Variants in NOSTRIN observed in about 807,000 individuals in gnomAD.
NOSTRIN encodes the protein nitric oxide synthase trafficking.
In NOSTRIN, 63 loss-of-function variants were observed where a neutral mutation model predicts 59.0. The observed-to-expected ratio is 1.07, with a 90% confidence interval of 0.87 to 1.32. NOSTRIN has a LOEUF of 1.32. Ranked by LOEUF, NOSTRIN falls within the 40% of genes most tolerant of loss-of-function variation. NOSTRIN has a pLI of 0.00. For synonymous variants in NOSTRIN, 200 were observed against 165.4 expected, an observed-to-expected ratio of 1.21 and a Z score of -1.61; for missense variants, 512 against 473.1, an observed-to-expected ratio of 1.08 and a Z score of -0.76.
chr2:168,789,326 T>C (rs1685286432), intron 2 of NOSTRIN, among the ~76,000 whole-genome samples: 1 of 152,182 alleles, frequency 6.6e-6, no homozygotes, highest in African/African-American at 2.4e-5. Flanking sequence ...TTTAATAGGC[T>C]CACAGTTCCA....
intron 7 of NOSTRIN, among the ~76,000 whole-genome samples, chr2:168,838,928 C>G (rs1480576864): frequency 6.6e-6 from 1 of 151,756 alleles, no homozygotes; most frequent in Non-Finnish European, 1.5e-5. Context: ...GGATTACAGG[C>G]ACTCACCACC....
Position 168,860,917 on chromosome 2 carries a change from C to T in NOSTRIN, c.1294+8C>T. The T allele has an allele frequency of 1.3e-6, 2 of 1,585,368 alleles. No homozygotes were observed. Among genetic ancestry groups the T allele is most frequent in the Non-Finnish European group, 1.7e-6 (2 of 1,154,068 alleles). ...CAGGTTCTTCAACTCCAGGTAATCCCATGCCCACAATCATTTTGGCCTGGG... is the reference window on the plus strand; with the variant it reads ...CAGGTTCTTCAACTCCAGGTAATCCTATGCCCACAATCATTTTGGCCTGGG... On this transcript the variant is annotated splice_region_variant and intron_variant, in intron 14 of 15. Transcript: ENST00000317647.
chr2:168,842,731 T>C (rs1688173000), intron 7 of NOSTRIN, among the ~76,000 whole-genome samples: 1 of 152,186 alleles, frequency 6.6e-6, no homozygotes, highest in Admixed American at 6.5e-5. Context: ...TGTAGACAAA[T>C]CACTTCCTAT....
chr2:168,816,567 C>T (rs990689173), intron 2 of NOSTRIN, among the ~76,000 whole-genome samples: 5 of 152,202 alleles, frequency 3.3e-5, no homozygotes, highest in African/African-American at 9.6e-5. Flanking sequence ...GATGTTTCAT[C>T]ACCTTCATTG....
rs1421568828 is a variant in NOSTRIN, at chr2:168,834,530, CA to C, written c.504+206del. Among the ~76,000 whole-genome samples the C allele has an allele frequency of 5.1e-3, 765 of 151,132 alleles. 31 individuals carry two copies. The East Asian group carries it at 0.085, about 17-fold the overall frequency. On this transcript the variant is annotated intron_variant, in intron 7 of 15. Transcript: ENST00000317647. ...GCGCACACACACACACACACACACA[CA>C]CACACACACACCACATACATTTTAA...
At chr2:168,833,501 G>C (rs567390495) in intron 6 of NOSTRIN, among the ~76,000 whole-genome samples, 6 of 152,280 alleles carry the variant, frequency 3.9e-5, no homozygotes, top group South Asian at 2.1e-4. Context: ...CCTACTTCCT[G>C]AACAGGCTAA....
At chr2:168,825,593 A>G (rs1687016422) in intron 3 of NOSTRIN, among the ~76,000 whole-genome samples, 1 of 152,228 alleles carries the variant, frequency 6.6e-6, no homozygotes, top group South Asian at 2.1e-4. Context: ...AGCTTAGCAC[A>G]TTAGGTACTG....
At chr2:168,811,200 G>A (rs553428020) in intron 1 of NOSTRIN, 1 of 155,014 alleles carries the variant, frequency 6.5e-6, no homozygotes, top group East Asian at 1.9e-4. Context: ...ATATGTGCAG[G>A]AGGGGCATAA....
In NOSTRIN at chr2:168,860,661, ACT is replaced by A. The variant is rs532951483; in HGVS notation, c.1180-131_1180-130del. On this transcript the variant is annotated intron_variant, in intron 13 of 15. Coordinates refer to ENST00000317647, the MANE Select transcript of NOSTRIN (RefSeq NM_001039724.4). Reference sequence around the variant, plus strand: ...ACTCCAGCCTGGGTGACAGGGCAAGACTCTGTCTAAAAAAAAAAAAGAAAAAA... The same window carrying A: ...ACTCCAGCCTGGGTGACAGGGCAAGACTGTCTAAAAAAAAAAAAGAAAAAA... 147 of 602,212 alleles carry A rather than the reference ACT, an allele frequency of 2.4e-4. 2 individuals are homozygous for A. The highest frequency in any genetic ancestry group is 2.0e-3 in the South Asian group (94 of 46,236). 37.3% of individuals were successfully genotyped at this position (602,212 alleles called of 1,614,324 possible).
rs564825094 is a variant in NOSTRIN at position 168,864,868 on chromosome 2, A to C, written c.1419A>C (p.Gly473=). The change falls in exon 16 of 16, where the codon GGA becomes GGC. Residue 473 remains glycine (G), a synonymous_variant. Coordinates refer to ENST00000317647, the MANE Select transcript of NOSTRIN (RefSeq NM_001039724.4). ...DIVIIHEKKE[G]GWWFGSLNGK... is the part of the protein sequence containing the mutation. ...TGATTATACACGAGAAAAAAGAAGG[A>C]GGATGGTGGTTTGGATCTTTGAATG... 6.2e-7 allele frequency: 1 copy of C among 1,613,538 alleles called. No individual in the cohort carries two copies. Among genetic ancestry groups the C allele is most frequent in the Non-Finnish European group, 8.5e-7 (1 of 1,179,632 alleles).
chr2:168,810,644 G>C (rs373633327), intron 1 of NOSTRIN, among the ~76,000 whole-genome samples: 10 of 152,328 alleles, frequency 6.6e-5, no homozygotes, highest in Admixed American at 3.3e-4. Context: ...TATGAGCAAA[G>C]AACAGCACAG....
Position 168,811,784 on chromosome 2 carries a change from TG to T in NOSTRIN, c.113+133del, listed in dbSNP as rs1212430842. 14 of 492,734 alleles carry T rather than the reference TG, an allele frequency of 2.8e-5. No individual in the cohort carries two copies. In the East Asian group the frequency reaches 5.0e-4, roughly 17 times the overall value. 30.5% of individuals were successfully genotyped at this position (492,734 alleles called of 1,614,324 possible). A position where few individuals can be genotyped will look rare whatever the true frequency, so the allele number is the denominator to read the frequency against. On this transcript the variant is annotated intron_variant, in intron 2 of 15. Transcript: ENST00000317647. Reference sequence around the variant, plus strand: ...ATATTTTGGTACTCGAGAGATTGCTTGAAGAGTGATTCTCCCCTATTGCACA... The same window carrying T: ...ATATTTTGGTACTCGAGAGATTGCTTAAGAGTGATTCTCCCCTATTGCACA...
chr2:168,788,738 GA>G (rs1324747822), intron 2 of NOSTRIN, among the ~76,000 whole-genome samples: 1 of 152,162 alleles, frequency 6.6e-6, no homozygotes, highest in Non-Finnish European at 1.5e-5. Flanking sequence ...AAATATGGAG[GA>G]AGAGAAAACC....
chr2:168,864,848 A>C lies in NOSTRIN; in HGVS notation c.1399A>C (p.Ile467Leu). The C allele has an allele frequency of 6.2e-7, 1 of 1,613,972 alleles. No individual in the cohort carries two copies. Among genetic ancestry groups the C allele is most frequent in the Non-Finnish European group, 8.5e-7 (1 of 1,179,890 alleles). ...TATTTTCACAGGTGACATTGTGATT[A>C]TACACGAGAAAAAAGAAGGAGGATG... The part of the protein sequence containing the change: ...LNLEKGDIVI[I>L]HEKKEGGWWF... Residue 467 changes from isoleucine to leucine, a missense_variant, in exon 16 of 16, where the codon ATA (isoleucine) becomes CTA (leucine). Ile to Leu is a conservative substitution (Grantham distance 5). Coordinates refer to ENST00000317647, the MANE Select transcript of NOSTRIN (RefSeq NM_001039724.4).
chr2:168,864,890 A>C lies in NOSTRIN; in HGVS notation c.1441A>C (p.Asn481His). 6.2e-7 allele frequency: 1 copy of C among 1,613,978 alleles called. No individual in the cohort carries two copies. Residue 481 changes from asparagine (N) to histidine (H), a missense_variant, in exon 16 of 16, where the codon AAT (asparagine) becomes CAT (histidine). Physicochemically the swap from Asn to His is moderately conservative, Grantham distance 68. Coordinates refer to ENST00000317647, the MANE Select transcript of NOSTRIN (RefSeq NM_001039724.4). ...KEGGWWFGSL[N>H]GKKGHFPAAY... ...AGGAGGATGGTGGTTTGGATCTTTG[A>C]ATGGGAAAAAAGGCCATTTTCCTGC...
intron 2 of NOSTRIN, among the ~76,000 whole-genome samples, chr2:168,817,200 T>G (rs1686456666): frequency 6.6e-6 from 1 of 152,226 alleles, no homozygotes; most frequent in South Asian, 2.1e-4. Flanking sequence ...CCAGGCTCAG[T>G]GCCAGGGTAT....
At chr2:168,798,724 A>G (rs1036322905), upstream of NOSTRIN, among the ~76,000 whole-genome samples, 6 of 152,124 alleles carry the variant, frequency 3.9e-5, no homozygotes, top group African/African-American at 1.4e-4. Flanking sequence ...GAGAACAGAG[A>G]ACTCAAAAGG....
chr2:168,856,869 C>T, intron 12 of NOSTRIN, 91 bp downstream of exon 12: 5 of 1,196,992 alleles, frequency 4.2e-6, no homozygotes, highest in Non-Finnish European at 6.1e-6. Context: ...CCTTGTTTGC[C>T]TTTCCTTTCT....
At chr2:168,837,047 GT>G (rs531824447) in intron 7 of NOSTRIN, among the ~76,000 whole-genome samples, 169 of 152,214 alleles carry the variant, frequency 1.1e-3, no homozygotes, top group Non-Finnish European at 2.0e-3. Flanking sequence ...GCATTCTCAC[GT>G]GGTGGAAAGA....
Sources: allele counts gnomAD v4.1 joint callset (sites outside exome capture counted in the v4.1 genomes callset), GRCh38; gene constraint gnomAD v4.1.1; transcripts MANE v1.5; gene names NCBI Gene and HGNC (gene_info 2026-07-23, HGNC 2026-07-21).